Variants in CTNNA2 observed in about 807,000 individuals in gnomAD.
CTNNA2 encodes catenin alpha 2, also known as catenin alpha-2.
CTNNA2 carries 42 observed loss-of-function variants against 101.0 expected under a neutral mutation model. The observed-to-expected ratio is 0.42, with a 90% CI of 0.32 to 0.54. The LOEUF (loss-of-function observed/expected upper bound fraction) is 0.54, where lower values mean the gene tolerates loss of function less well. CTNNA2 is among the 20% of genes least tolerant of loss of function. The pLI is 0.14. For synonymous variants in CTNNA2, 450 were observed against 456.4 expected, an observed-to-expected ratio of 0.99 and a Z score of 0.18; for missense variants, 871 against 1,223.1, an observed-to-expected ratio of 0.71 and a Z score of 4.29.
intron 7 of CTNNA2, among the ~76,000 whole-genome samples, chr2:80,116,748 A>G (rs1701545517): frequency 6.6e-6 from 1 of 152,150 alleles, no homozygotes; most frequent in South Asian, 2.1e-4. Flanking sequence ...AAGATGCTAC[A>G]TTCATGTGAG....
At chr2:79,776,563 GCC>G (rs1282647839) in intron 3 of CTNNA2, among the ~76,000 whole-genome samples, 7 of 152,186 alleles carry the variant, frequency 4.6e-5, no homozygotes, top group African/African-American at 1.7e-4. Context: ...GGATAGAATT[GCC>G]AAATATATCC....
At chr2:79,645,906 A>G (rs1014153767) in intron 1 of CTNNA2, among the ~76,000 whole-genome samples, 1 of 152,230 alleles carries the variant, frequency 6.6e-6, no homozygotes. Context: ...ATCAGTCATT[A>G]GCTTCTTCTG....
chr2:80,217,630 T>TA (rs1708346918), intron 7 of CTNNA2, among the ~76,000 whole-genome samples: 1 of 152,200 alleles, frequency 6.6e-6, no homozygotes, highest in Non-Finnish European at 1.5e-5. Context: ...GGCACTATAT[T>TA]AGATATTGCT....
intron 9 of CTNNA2, among the ~76,000 whole-genome samples, chr2:80,464,236 A>G (rs1684676266): frequency 1.3e-5 from 2 of 152,188 alleles, no homozygotes; most frequent in African/African-American, 2.4e-5. Flanking sequence ...ACTGTCTTCA[A>G]TATAATGGAG....
At chr2:79,247,052 G>A (rs557798755) in intron 2 of CTNNA2, among the ~76,000 whole-genome samples, 11 of 152,184 alleles carry the variant, frequency 7.2e-5, no homozygotes, top group Admixed American at 2.6e-4. Context: ...ACCGGCAGGC[G>A]TGGCATAGAT....
chr2:79,476,628 G>GC, intron 4 of CTNNA2, among the ~76,000 whole-genome samples: 1 of 152,150 alleles, frequency 6.6e-6, no homozygotes, highest in Non-Finnish European at 1.5e-5. Flanking sequence ...TTCTGCTACT[G>GC]CCAACTTGAC....
In CTNNA2 at chr2:79,408,290, T is replaced by TTTATTA. The variant is rs67079601; in HGVS notation, c.-135+34300_-135+34305dup. 9.5e-4 allele frequency among the ~76,000 whole-genome samples: 141 copies of TTTATTA among 147,808 alleles called. 3 individuals carry two copies. The highest frequency in any genetic ancestry group is 3.1e-3 in the African/African-American group (126 of 40,042). On this transcript the variant is annotated intron_variant, in intron 4 of 21. Transcript: ENST00000466387. Reference sequence around the variant, plus strand: ...TTTCACAGAGAACATAAAGAATAAATTTATTATTATTATTATTATTATTAT... The same window carrying TTTATTA: ...TTTCACAGAGAACATAAAGAATAAATTTATTATTATTATTATTATTATTATTATTAT...
At chr2:79,865,738 G>A (rs1489841064) in intron 4 of CTNNA2, among the ~76,000 whole-genome samples, 1 of 152,138 alleles carries the variant, frequency 6.6e-6, no homozygotes, top group Non-Finnish European at 1.5e-5. Flanking sequence ...TATTTATTTT[G>A]AGACGGAGTC....
intron 7 of CTNNA2, among the ~76,000 whole-genome samples, chr2:80,128,353 C>T (rs1366006754): frequency 6.6e-6 from 1 of 152,088 alleles, no homozygotes; most frequent in Non-Finnish European, 1.5e-5. Flanking sequence ...GGCACTTAAC[C>T]TCTAATGGGA....
chr2:79,311,454 C>T (rs1467428411), intron 2 of CTNNA2, among the ~76,000 whole-genome samples: 1 of 147,372 alleles, frequency 6.8e-6, no homozygotes, highest in African/African-American at 2.5e-5. Flanking sequence ...TAAATGATTT[C>T]TAAGGACTTG....
chr2:79,825,800 G>A lies in CTNNA2; in HGVS notation c.299-32213G>A, dbSNP rs80325385. ...GAGAGAAAAAAGTGAAGAAGCTTGGGACCAAGCCCTGAGGATCAGAAGCAT... is the reference window on the plus strand; with the variant it reads ...GAGAGAAAAAAGTGAAGAAGCTTGGAACCAAGCCCTGAGGATCAGAAGCAT... On this transcript the variant is annotated intron_variant, in intron 3 of 18. Coordinates refer to ENST00000402739, the MANE Select transcript of CTNNA2 (RefSeq NM_001282597.3). 7.8e-3 allele frequency among the ~76,000 whole-genome samples: 1,187 copies of A among 152,196 alleles called. 14 individuals are homozygous for A. Among genetic ancestry groups the A allele is most frequent in the African/African-American group, 0.026 (1,084 of 41,518 alleles).
chr2:80,458,283 T>C (rs556950940), intron 9 of CTNNA2, among the ~76,000 whole-genome samples: 2 of 152,228 alleles, frequency 1.3e-5, no homozygotes, highest in Non-Finnish European at 2.9e-5. Flanking sequence ...CATATAGTGA[T>C]GTATTTTGTA....
intron 7 of CTNNA2, among the ~76,000 whole-genome samples, chr2:80,142,598 G>C (rs1384528572): frequency 6.6e-6 from 1 of 152,186 alleles, no homozygotes; most frequent in Non-Finnish European, 1.5e-5. Context: ...CCTGTGTGTA[G>C]CTGAGATATT....
rs111530550 is a variant in CTNNA2, at chr2:80,550,644, C to T, written c.1540+4581C>T. ...AGGGATAGATTACATCTCAAGAAGC[C>T]GCTTTGCTCATACATAAGCAATTCC... On this transcript the variant is annotated intron_variant, in intron 11 of 18. Coordinates refer to ENST00000402739, the MANE Select transcript of CTNNA2 (RefSeq NM_001282597.3). 3.8e-3 allele frequency among the ~76,000 whole-genome samples: 585 copies of T among 152,260 alleles called. 3 individuals carry two copies. Among genetic ancestry groups the T allele is most frequent in the African/African-American group, 0.014 (575 of 41,550 alleles).
chr2:79,200,480 G>T (rs1188929810), intron 2 of CTNNA2, among the ~76,000 whole-genome samples: 1 of 152,122 alleles, frequency 6.6e-6, no homozygotes, highest in Non-Finnish European at 1.5e-5. Context: ...CACTTTTGGG[G>T]TTCCATAAGG....
At chr2:79,713,536 T>A (rs1221904077) in intron 2 of CTNNA2, among the ~76,000 whole-genome samples, 1 of 152,154 alleles carries the variant, frequency 6.6e-6, no homozygotes, top group Non-Finnish European at 1.5e-5. Flanking sequence ...CTCACCCAAA[T>A]CCCTGCCCTC....
chr2:79,557,706 T>C (rs1674531708), intron 1 of CTNNA2, among the ~76,000 whole-genome samples: 1 of 151,940 alleles, frequency 6.6e-6, no homozygotes. Flanking sequence ...TATGAGCTGA[T>C]GTGACTCTAA....
intron 7 of CTNNA2, among the ~76,000 whole-genome samples, chr2:80,038,724 T>G (rs1695832629): frequency 1.3e-5 from 2 of 152,274 alleles, no homozygotes; most frequent in African/African-American, 4.8e-5. Flanking sequence ...AGGGTGCCTT[T>G]AATCCCAGCT....
rs1276151164 is a variant in CTNNA2, at chr2:80,244,245, C to G, written c.1057-148966C>G. Among the ~76,000 whole-genome samples the G allele has an allele frequency of 2.0e-5, 3 of 152,178 alleles. No homozygotes were observed. The East Asian group carries it at 5.8e-4, about 29-fold the overall frequency. On this transcript the variant is annotated intron_variant, in intron 7 of 18. Transcript: ENST00000402739. ...AGGAAAGTACATATGCTTTGTCTTT[C>G]TTTTTACAGAATCCAGTACATGTTA...
Sources: gnomAD v4.1 joint callset for allele counts (sites outside exome capture counted in the v4.1 genomes callset) on GRCh38, gnomAD v4.1.1 for gene constraint, MANE v1.5 for transcripts, NCBI Gene and HGNC (gene_info 2026-07-23, HGNC 2026-07-21) for gene names.